The following CINP variants were observed in gnomAD, a reference collection of about 807,000 sequenced individuals.
The protein encoded by CINP is cyclin dependent kinase 2 interacting protein, also known as cyclin-dependent kinase 2-interacting protein.
CINP carries 11 observed loss-of-function variants against 20.5 expected under a neutral mutation model. That is an observed-to-expected ratio of 0.54 (90% CI 0.34 to 0.89). The LOEUF is 0.89. Ranked by LOEUF, CINP falls within the 40% of genes least tolerant of loss-of-function variation. The pLI is 0.02. For missense variants in CINP, 213 were observed against 251.0 expected, an observed-to-expected ratio of 0.85 and a Z score of 1.02; for synonymous variants, 108 against 102.1, an observed-to-expected ratio of 1.06 and a Z score of -0.35.
At chr14:102,348,945 G>A (rs1886806535) in intron 4 of CINP, among the ~76,000 whole-genome samples, 186 bp from the exon 5 acceptor site, 1 of 152,198 alleles carries the variant, frequency 6.6e-6, no homozygotes, top group South Asian at 2.1e-4. Context: ...AACATGGTCA[G>A]CAGAGTGAAA....
At chr14:102,348,993 C>T (rs1351133854) in intron 4 of CINP, among the ~76,000 whole-genome samples, 2 of 152,226 alleles carry the variant, frequency 1.3e-5, no homozygotes, top group Non-Finnish European at 2.9e-5. Context: ...TGGCCCACAC[C>T]TGTAATCCCA....
At chr14:102,357,681 A>G (rs995632776) in intron 2 of CINP, among the ~76,000 whole-genome samples, 1 of 152,322 alleles carries the variant, frequency 6.6e-6, no homozygotes, top group Non-Finnish European at 1.5e-5. Flanking sequence ...TACAGAAGAA[A>G]AGTTTGAGAT....
At chr14:102,356,351 C>A (rs1886997662) in intron 2 of CINP, among the ~76,000 whole-genome samples, 1 of 150,914 alleles carries the variant, frequency 6.6e-6, no homozygotes, top group Admixed American at 6.6e-5. Flanking sequence ...CCCAGGAAGT[C>A]AAGGCTGCAG....
chr14:102,362,517 G>A (rs1455922086), intron 1 of CINP: 1 of 701,124 alleles, frequency 1.4e-6, no homozygotes, highest in Non-Finnish European at 2.6e-6. Context: ...AGATGAGCAT[G>A]CAAGGCTTGG....
chr14:102,354,697 C>T (rs571893688), intron 3 of CINP, among the ~76,000 whole-genome samples: 1 of 152,214 alleles, frequency 6.6e-6, no homozygotes, highest in East Asian at 1.9e-4. Context: ...GCGGAGGTTG[C>T]AGTGAGCCAA....
intron 3 of CINP, 39 bp from the exon 4 acceptor site, chr14:102,350,087 A>G (rs1029063410): frequency 6.4e-7 from 1 of 1,560,312 alleles, no homozygotes; most frequent in Non-Finnish European, 8.8e-7. Flanking sequence ...ATATTATTTG[A>G]AATCTCCAGT....
chr14:102,355,472 G>C (rs540556351), intron 3 of CINP: 3 of 235,852 alleles, frequency 1.3e-5, no homozygotes, highest in Non-Finnish European at 2.5e-5. Flanking sequence ...CCAAGATCAC[G>C]CCATTGCACT....
In CINP at chr14:102,348,373, G is replaced by A; in HGVS notation, c.*184C>T. On this transcript the variant is annotated 3_prime_UTR_variant, in exon 5 of 5. Transcript: ENST00000216756. The stretch of plus-strand genomic sequence containing the variant: ...GAGAAGGCTGAGCAGCACCACGTGG[G>A]GCTGGCCGCGGGTTGTGGGCATGAG... 1 of 596,960 alleles carries A rather than the reference G, an allele frequency of 1.7e-6. No individual in the cohort carries two copies. Among genetic ancestry groups the A allele is most frequent in the East Asian group, 2.8e-5 (1 of 35,908 alleles). The allele number at this position is 596,960 out of a possible 1,614,324, so 37.0% of individuals were successfully genotyped here. A position where few individuals can be genotyped will look rare whatever the true frequency, so the allele number is the denominator to read the frequency against.
At position 102,348,360 on chromosome 14, in the gene CINP, C is replaced by A. The variant is rs752606154; in HGVS notation, c.*197G>T. ...CCCAGGAGGGGCAGAGAAGGCTGAG[C>A]AGCACCACGTGGGGCTGGCCGCGGG... On this transcript the variant is annotated 3_prime_UTR_variant, in exon 5 of 5. Transcript: ENST00000216756. The A allele has an allele frequency of 5.2e-6, 3 of 581,826 alleles. No homozygotes were observed. The East Asian group carries it at 8.4e-5, about 16-fold the overall frequency. 36.0% of individuals were successfully genotyped at this position (581,826 alleles called of 1,614,324 possible). A position where few individuals can be genotyped will look rare whatever the true frequency, so the allele number is the denominator to read the frequency against.
At chr14:102,349,824 C>G in intron 4 of CINP, 95 bp downstream of exon 4, 1 of 1,428,232 alleles carries the variant, frequency 7.0e-7, no homozygotes. Context: ...AATTTGAAAG[C>G]CTTGTCAGCT....
intron 1 of CINP, chr14:102,362,547 G>A (rs1298764505): frequency 5.7e-6 from 4 of 703,170 alleles, no homozygotes; most frequent in Non-Finnish European, 1.0e-5. Flanking sequence ...AACTCTGTTA[G>A]TACTAATTTA....
chr14:102,359,637 T>C, intron 1 of CINP, 50 bp from the exon 2 acceptor site: 2 of 1,385,498 alleles, frequency 1.4e-6, no homozygotes, highest in Non-Finnish European at 2.0e-6. Flanking sequence ...TATACAATCA[T>C]AGTTGGAGGG....
At chr14:102,354,173 G>A (rs1159680567) in intron 3 of CINP, among the ~76,000 whole-genome samples, 1 of 152,188 alleles carries the variant, frequency 6.6e-6, no homozygotes, top group Non-Finnish European at 1.5e-5. Flanking sequence ...GATTTCCTGT[G>A]CCTAGCAAAG....
At position 102,362,870 on chromosome 14, in the gene CINP, T is replaced by G; in HGVS notation, c.-19A>C. ...CTTCCATAAGGTCCACAGATATCCG[T>G]AGAAGGAGACGCGAAGCCCCGCCCA... is the stretch of plus-strand genomic sequence containing the variant. On this transcript the variant is annotated 5_prime_UTR_variant, in exon 1 of 5. Coordinates refer to ENST00000216756, the MANE Select transcript of CINP (RefSeq NM_032630.3). The G allele has an allele frequency of 6.2e-7, 1 of 1,613,992 alleles. No homozygotes were observed.
chr14:102,353,034 A>G (rs9671865), intron 3 of CINP, among the ~76,000 whole-genome samples: 2 of 151,458 alleles, frequency 1.3e-5, no homozygotes, highest in South Asian at 4.2e-4. Context: ...CTACTTGGGA[A>G]GCTGAGACAG....
chr14:102,357,199 G>A (rs1432027884), intron 2 of CINP, among the ~76,000 whole-genome samples: 1 of 152,036 alleles, frequency 6.6e-6, no homozygotes, highest in Non-Finnish European at 1.5e-5. Flanking sequence ...TGGGCAACAT[G>A]TGAAACTCCG....
rs142580040 is a variant in CINP at position 102,351,080 on chromosome 14, G to A, written c.307-1032C>T. Among the ~76,000 whole-genome samples, 50 of 151,940 alleles carry A rather than the reference G, an allele frequency of 3.3e-4. No homozygotes were observed. The highest frequency in any genetic ancestry group is 2.7e-3 in the South Asian group (13 of 4,812). On this transcript the variant is annotated intron_variant, in intron 3 of 4. Transcript: ENST00000216756. This position sits in a 1 kb window ranked among gnomAD's most constrained non-coding sequence, Gnocchi z 4.2. ...AACTCGTGATCCGCCCACCTCGGCC[G>A]CCCAAAGTGCTGGGATTCTAGGCAT...
At position 102,355,846 on chromosome 14, in the gene CINP, A is replaced by G. The variant is rs1886987370; in HGVS notation, c.228T>C (p.Asn76=). 1 of 1,613,888 alleles carries G rather than the reference A, an allele frequency of 6.2e-7. No homozygotes were observed. Among genetic ancestry groups the G allele is most frequent in the Non-Finnish European group, 8.5e-7 (1 of 1,179,962 alleles). ...TATATTCCAGACACACCTTTTCTTC[A>G]TTTTCCTTCGAGGCTGGGCTGCTGC... ...LDSSSPASKE[N]EEKVCLEYNE... Residue 76 remains asparagine, a synonymous_variant, in exon 3 of 5, where the codon AAT becomes AAC. Transcript: ENST00000216756.
rs1477737277 is a variant in CINP at position 102,351,818 on chromosome 14, A to G, written c.307-1770T>C. 6.6e-6 allele frequency among the ~76,000 whole-genome samples: 1 copy of G among 152,148 alleles called. No homozygotes were observed. Among genetic ancestry groups the G allele is most frequent in the Non-Finnish European group, 1.5e-5 (1 of 68,034 alleles). ...ACAGCTGGGAAATTGCTTAAGGTTGAGCTGAGGAAGGATGAGGCCAGAACT... is the reference window on the plus strand; with the variant it reads ...ACAGCTGGGAAATTGCTTAAGGTTGGGCTGAGGAAGGATGAGGCCAGAACT... On this transcript the variant is annotated intron_variant, in intron 3 of 4. Transcript: ENST00000216756. The surrounding 1 kb of genome is among the most constrained non-coding windows in gnomAD (Gnocchi z 4.2).
Sources: gnomAD v4.1 joint callset for allele counts (sites outside exome capture counted in the v4.1 genomes callset) on GRCh38, gnomAD v4.1.1 for gene constraint, Gnocchi (gnomAD v3.1) non-coding constraint, MANE v1.5 for transcripts, NCBI Gene and HGNC (gene_info 2026-07-23, HGNC 2026-07-21) for gene names.